The following TTLL9 variants were observed in gnomAD, a reference collection of about 807,000 sequenced individuals.
The protein encoded by TTLL9 is tubulin tyrosine ligase like 9, also known as probable tubulin polyglutamylase TTLL9.
TTLL9 carries 47 observed loss-of-function variants against 65.6 expected under a neutral mutation model. The observed-to-expected ratio is 0.72, with a 90% CI of 0.57 to 0.91. The LOEUF (loss-of-function observed/expected upper bound fraction) is 0.91. Ranked by LOEUF, TTLL9 falls within the 40% of genes least tolerant of loss-of-function variation. The probability of loss-of-function intolerance (pLI) is 0.00; values close to 1 mark genes in which losing one functional copy is unlikely to be tolerated. For synonymous variants in TTLL9, 179 were observed against 204.8 expected, an observed-to-expected ratio of 0.87 and a Z score of 1.07; for missense variants, 537 against 568.8, an observed-to-expected ratio of 0.94 and a Z score of 0.57.
chr20:31,879,906 C>T (rs985088976), intron 2 of TTLL9: 1 of 1,549,654 alleles, frequency 6.5e-7, no homozygotes, highest in African/African-American at 1.4e-5. Context: ...AGGTAGGAGT[C>T]GACCTGACCC....
At chr20:31,926,902 CA>C (rs2063914674) in intron 10 of TTLL9, among the ~76,000 whole-genome samples, 1 of 150,738 alleles carries the variant, frequency 6.6e-6, no homozygotes, top group Non-Finnish European at 1.5e-5. Context: ...GCCAGGAGTT[CA>C]AGACCAGCCT....
chr20:31,919,775 A>C, intron 6 of TTLL9, 89 bp from the exon 7 acceptor site: 1 of 1,064,242 alleles, frequency 9.4e-7, no homozygotes, highest in Non-Finnish European at 1.3e-6. Context: ...AAAAAGAGAC[A>C]GATATGCTGG....
intron 14 of TTLL9, among the ~76,000 whole-genome samples, chr20:31,941,737 G>T (rs1428254711): frequency 2.6e-5 from 4 of 152,006 alleles, no homozygotes; most frequent in Non-Finnish European, 5.9e-5. Context: ...TTTTATTTTT[G>T]TGTGTGTGAT....
chr20:31,908,888 G>T (rs2063600972), intron 5 of TTLL9, among the ~76,000 whole-genome samples, 186 bp downstream of exon 5: 1 of 152,142 alleles, frequency 6.6e-6, no homozygotes, highest in South Asian at 2.1e-4. Flanking sequence ...CAAGGCCTGA[G>T]GACTGGAGGT....
intron 2 of TTLL9, chr20:31,879,921 G>A (rs907797557): frequency 6.8e-7 from 1 of 1,473,258 alleles, no homozygotes; most frequent in African/African-American, 1.4e-5. Context: ...TGACCCAGAT[G>A]CTTTTATCGT....
intron 3 of TTLL9, among the ~76,000 whole-genome samples, chr20:31,894,237 G>A (rs1374609865): frequency 6.6e-6 from 1 of 151,336 alleles, no homozygotes; most frequent in Non-Finnish European, 1.5e-5. Context: ...CCAGGTAGCT[G>A]GGACTACAGG....
intron 3 of TTLL9, among the ~76,000 whole-genome samples, chr20:31,893,986 G>A (rs1279901700): frequency 1.3e-5 from 2 of 150,534 alleles, no homozygotes; most frequent in Non-Finnish European, 2.9e-5. Flanking sequence ...CAATTAGACT[G>A]TTTTCAAATG....
chr20:31,908,584 C>A lies in TTLL9; in HGVS notation c.207-7C>A. 1.2e-6 allele frequency: 2 copies of A among 1,607,500 alleles called. No homozygotes were observed. The highest frequency in any genetic ancestry group is 1.3e-5 in the African/African-American group (1 of 74,908). ...GACCTTTATCCCCGCCCCCACCCCACCCCCAGCGAAGGGGAGTGGGATTTC... is the reference window on the plus strand; with the variant it reads ...GACCTTTATCCCCGCCCCCACCCCAACCCCAGCGAAGGGGAGTGGGATTTC... On this transcript the variant is annotated splice_region_variant and splice_polypyrimidine_tract_variant and intron_variant, in intron 4 of 14. Coordinates refer to ENST00000535842, the MANE Select transcript of TTLL9 (RefSeq NM_001008409.5).
intron 12 of TTLL9, 49 bp from the exon 13 acceptor site, chr20:31,937,347 C>T (rs761122066): frequency 2.8e-6 from 4 of 1,412,084 alleles, no homozygotes; most frequent in Admixed American, 1.7e-5. Context: ...ATCCTAGGGG[C>T]TCCAGGGACC....
chr20:31,898,492 C>T lies in TTLL9; in HGVS notation c.133C>T (p.Arg45Trp), dbSNP rs368805639. ...GKEREQRASI[R>W]FKTTLMNTLM... ...TTGCAGAGAGCAGAGAGCATCGATC[C>T]GGTTCAAGACCACCCTCATGAACAC... The change falls in exon 4 of 15, where the codon CGG (arginine) becomes TGG (tryptophan). Residue 45 changes from arginine to tryptophan, a missense_variant. Coordinates refer to ENST00000535842, the MANE Select transcript of TTLL9 (RefSeq NM_001008409.5). 158 of 1,614,030 alleles carry T rather than the reference C, an allele frequency of 9.8e-5. 1 individual carries two copies. Among genetic ancestry groups the T allele is most frequent in the Non-Finnish European group, 1.2e-4 (147 of 1,180,026 alleles).
In TTLL9 at chr20:31,870,863, G is replaced by A; in HGVS notation, c.-92G>A. ...CGGGGGAAAGCACCCAACTTCTCCC[G>A]CCTCGGCTTCTAGCAGAAACGTGAC... On this transcript the variant is annotated 5_prime_UTR_variant, in exon 1 of 15. Coordinates refer to ENST00000535842, the MANE Select transcript of TTLL9 (RefSeq NM_001008409.5). This position sits in a 1 kb window ranked among gnomAD's most constrained non-coding sequence, Gnocchi z 6.6. 1.9e-6 allele frequency: 1 copy of A among 539,390 alleles called. No individual in the cohort carries two copies. The highest frequency in any genetic ancestry group is 3.3e-6 in the Non-Finnish European group (1 of 307,346). The allele number at this position is 539,390 out of a possible 1,614,324, so 33.4% of individuals were successfully genotyped here.
chr20:31,909,944 C>T, intron 6 of TTLL9, 22 bp downstream of exon 6: 9 of 746,004 alleles, frequency 1.2e-5, no homozygotes, highest in East Asian at 3.9e-5. Flanking sequence ...GTGCCAGGGG[C>T]TGGGTGGGAG....
intron 2 of TTLL9, among the ~76,000 whole-genome samples, chr20:31,878,322 A>G (rs1009324314): frequency 4.6e-5 from 7 of 152,278 alleles, no homozygotes; most frequent in Admixed American, 4.6e-4. Flanking sequence ...TGTGTAGGCA[A>G]CTAGCAGCAT....
At chr20:31,880,575 C>G (rs1310804022) in intron 2 of TTLL9, among the ~76,000 whole-genome samples, 1 of 151,798 alleles carries the variant, frequency 6.6e-6, no homozygotes, top group African/African-American at 2.4e-5. Flanking sequence ...TCACTGCAGC[C>G]TCTGCCTCCC....
intron 6 of TTLL9, among the ~76,000 whole-genome samples, chr20:31,911,288 C>T (rs544556641): frequency 6.6e-6 from 1 of 152,226 alleles, no homozygotes; most frequent in Non-Finnish European, 1.5e-5. Context: ...AAGCCACATG[C>T]CACCGTAGCC....
At chr20:31,874,172 C>G (rs1312730356) in intron 2 of TTLL9, among the ~76,000 whole-genome samples, 2 of 152,226 alleles carry the variant, frequency 1.3e-5, no homozygotes, top group African/African-American at 4.8e-5. Context: ...AAAGCCCAAT[C>G]TGTCTTAAAT....
At position 31,933,872 on chromosome 20, in the gene TTLL9, G is replaced by A. The variant is rs763915367; in HGVS notation, c.807+14G>A. On this transcript the variant is annotated intron_variant, in intron 11 of 14. Coordinates refer to ENST00000535842, the MANE Select transcript of TTLL9 (RefSeq NM_001008409.5). The stretch of plus-strand genomic sequence containing the variant: ...CACCCAAAGAAGGTGAGGAAGCCGG[G>A]CTCGGCTATGCACGGGTACAGCCCT... The A allele has an allele frequency of 6.8e-6, 11 of 1,612,636 alleles. No homozygotes were observed. In the African/African-American group the frequency reaches 1.3e-4, roughly 20 times the overall value.
Position 31,944,037 on chromosome 20 carries a change from AG to A in TTLL9, c.*1019del, listed in dbSNP as rs1390010090. 3 of 338,448 alleles carry A rather than the reference AG, an allele frequency of 8.9e-6. No individual in the cohort carries two copies. Among genetic ancestry groups the A allele is most frequent in the Non-Finnish European group, 1.8e-5 (3 of 169,884 alleles). The allele number at this position is 338,448 out of a possible 1,614,324, so 21.0% of individuals were successfully genotyped here. On this transcript the variant is annotated 3_prime_UTR_variant, in exon 15 of 15. Transcript: ENST00000535842. ...ATCTGCCTGCCTAGGTCAAGCCCGA[AG>A]GGAAGACTTTTGGAAGGAAAATACT...
intron 14 of TTLL9, among the ~76,000 whole-genome samples, chr20:31,941,556 T>C (rs2064210219): frequency 6.9e-6 from 1 of 145,892 alleles, no homozygotes; most frequent in Admixed American, 7.0e-5. Flanking sequence ...AGCTACTGTT[T>C]TTTTTTTATT....
Sources: allele counts gnomAD v4.1 joint callset (sites outside exome capture counted in the v4.1 genomes callset), GRCh38; gene constraint gnomAD v4.1.1; non-coding constraint Gnocchi (gnomAD v3.1); transcripts MANE v1.5; gene names NCBI Gene and HGNC (gene_info 2026-07-23, HGNC 2026-07-21).